Variants in CDH5 observed in about 807,000 individuals in gnomAD.
CDH5 encodes the protein cadherin 5, also known as cadherin-5.
Under a neutral mutation model 62.0 loss-of-function variants are expected in CDH5, and 28 were observed. The observed-to-expected ratio is 0.45, with a 90% CI of 0.33 to 0.62. CDH5 has a LOEUF of 0.62. Ranked by LOEUF, CDH5 falls within the 20% of genes least tolerant of loss-of-function variation. The pLI is 0.02. For synonymous variants in CDH5, 464 were observed against 445.8 expected (o/e 1.04, Z -0.52); for missense variants, 940 against 1,065.1 (o/e 0.88, Z 1.63).
At chr16:66,375,124 G>A (rs1199275972) in intron 1 of CDH5, among the ~76,000 whole-genome samples, 1 of 152,162 alleles carries the variant, frequency 6.6e-6, no homozygotes, top group African/African-American at 2.4e-5. Flanking sequence ...ACAGTCTATT[G>A]CTCTTAGGCT....
At chr16:66,397,936 C>T in intron 8 of CDH5, 46 bp from the exon 9 acceptor site, 1 of 1,612,674 alleles carries the variant, frequency 6.2e-7, no homozygotes, top group Non-Finnish European at 8.5e-7. Context: ...CCGCCCAAGG[C>T]CAGCATCAGC....
intron 1 of CDH5, chr16:66,376,207 C>T (rs1014398629): frequency 1.3e-5 from 2 of 152,194 alleles, no homozygotes; most frequent in African/African-American, 4.8e-5. Context: ...TACCATCACC[C>T]CAAACACACG....
At chr16:66,367,714 C>T (rs1960612704) in intron 1 of CDH5, among the ~76,000 whole-genome samples, 2 of 152,166 alleles carry the variant, frequency 1.3e-5, no homozygotes, top group South Asian at 4.1e-4. Context: ...TCAGTGAAAG[C>T]AACTGAGCTT....
intron 1 of CDH5, among the ~76,000 whole-genome samples, chr16:66,369,371 C>A (rs1437289370): frequency 2.0e-5 from 3 of 152,202 alleles, no homozygotes; most frequent in Non-Finnish European, 4.4e-5. Context: ...AAGACACCTG[C>A]ACCCTTACTG....
rs1218033051 is a variant in CDH5, at chr16:66,402,741, G to A, written c.1927G>A (p.Val643Ile). Residue 643 changes from valine to isoleucine, a missense_variant, in exon 12 of 12, where the codon GTC becomes ATC. By Grantham distance (29) the Val-to-Ile change is conservative. Transcript: ENST00000341529. The part of the protein sequence containing the change: ...KSVPEIHEQL[V>I]TYDEEGGGEM... ...CGTGCCGGAGATCCACGAGCAGCTGGTCACCTACGACGAGGAGGGCGGCGG... is the reference window on the plus strand; with the variant it reads ...CGTGCCGGAGATCCACGAGCAGCTGATCACCTACGACGAGGAGGGCGGCGG... 6.2e-7 allele frequency: 1 copy of A among 1,610,072 alleles called. No individual in the cohort carries two copies. The highest frequency in any genetic ancestry group is 8.5e-7 in the Non-Finnish European group (1 of 1,179,046).
chr16:66,399,554 G>T (rs1306958101), intron 10 of CDH5, among the ~76,000 whole-genome samples: 1 of 152,190 alleles, frequency 6.6e-6, no homozygotes, highest in Non-Finnish European at 1.5e-5. Flanking sequence ...GACTCCTGTG[G>T]GATGGAGAAG....
chr16:66,398,195 C>T, intron 9 of CDH5, 89 bp downstream of exon 9: 1 of 1,467,688 alleles, frequency 6.8e-7, no homozygotes. Flanking sequence ...GCAGGAGTTC[C>T]CCTGTACAAT....
intron 2 of CDH5, among the ~76,000 whole-genome samples, chr16:66,381,256 GA>G (rs1217970341): frequency 6.6e-6 from 1 of 152,148 alleles, no homozygotes; most frequent in Non-Finnish European, 1.5e-5. Context: ...CACCTGTAAT[GA>G]GGTACCTGAC....
intron 1 of CDH5, among the ~76,000 whole-genome samples, chr16:66,367,705 C>T (rs893817590): frequency 3.3e-5 from 5 of 152,184 alleles, no homozygotes; most frequent in African/African-American, 1.2e-4. Context: ...CTTTATATCT[C>T]AGTGAAAGCA....
At chr16:66,391,378 A>G (rs1961081278) in intron 6 of CDH5, among the ~76,000 whole-genome samples, 1 of 152,104 alleles carries the variant, frequency 6.6e-6, no homozygotes, top group African/African-American at 2.4e-5. Context: ...GGGGTTTCTG[A>G]GAGAGCATCT....
chr16:66,381,231 C>G (rs569698052), intron 2 of CDH5, among the ~76,000 whole-genome samples: 2 of 152,320 alleles, frequency 1.3e-5, no homozygotes, highest in East Asian at 3.9e-4. Context: ...CCACACAGCT[C>G]CCCATATTCC....
In CDH5 at chr16:66,390,520, G is replaced by A; in HGVS notation, c.899G>A (p.Gly300Asp). The A allele has an allele frequency of 1.2e-6, 2 of 1,614,128 alleles. No individual in the cohort carries two copies. Among genetic ancestry groups the A allele is most frequent in the Non-Finnish European group, 8.5e-7 (1 of 1,180,022 alleles). ...NRMTKYSILR[G>D]DYQDAFTIET... ...ATGACCAAGTACAGCATCTTGCGGGGCGACTACCAGGACGCTTTCACCATT... is the reference window on the plus strand; with the variant it reads ...ATGACCAAGTACAGCATCTTGCGGGACGACTACCAGGACGCTTTCACCATT... The change falls in exon 6 of 12, where the codon GGC (glycine) becomes GAC (aspartate). Residue 300 changes from glycine to aspartate, a missense_variant. Gly to Asp is a moderately conservative substitution (Grantham distance 94, BLOSUM62 -1). Transcript: ENST00000341529.
At chr16:66,385,835 T>C (rs557457769) in intron 2 of CDH5, among the ~76,000 whole-genome samples, 1 of 152,384 alleles carries the variant, frequency 6.6e-6, no homozygotes, top group Admixed American at 6.5e-5. Context: ...ATAATTTAAT[T>C]TGTAATAGTG....
chr16:66,380,344 G>A (rs1198543962), intron 2 of CDH5, among the ~76,000 whole-genome samples: 63 of 144,282 alleles, frequency 4.4e-4, no homozygotes, highest in Non-Finnish European at 1.8e-4. Context: ...TGATTGTGAT[G>A]GTGGGTGATG....
chr16:66,374,191 G>T (rs931041335), intron 1 of CDH5, among the ~76,000 whole-genome samples: 2 of 152,176 alleles, frequency 1.3e-5, no homozygotes, highest in African/African-American at 4.8e-5. Context: ...GTGCCTCGGG[G>T]GAGTGCTCAG....
chr16:66,399,201 G>A (rs562039902), intron 10 of CDH5, among the ~76,000 whole-genome samples: 1 of 152,336 alleles, frequency 6.6e-6, no homozygotes, highest in South Asian at 2.1e-4. Flanking sequence ...TTAGCAGGGT[G>A]GCCCGTGTGA....
intron 1 of CDH5, chr16:66,377,526 CA>C (rs1462262199): frequency 6.6e-6 from 1 of 152,282 alleles, no homozygotes; most frequent in African/African-American, 2.4e-5. Flanking sequence ...CTGGCGCCAG[CA>C]AATCAGGGGA....
At chr16:66,381,739 C>G (rs1005736415) in intron 2 of CDH5, among the ~76,000 whole-genome samples, 1 of 152,166 alleles carries the variant, frequency 6.6e-6, no homozygotes, top group Non-Finnish European at 1.5e-5. Context: ...CTACCCCCTG[C>G]GGGCCCAATC....
intron 2 of CDH5, among the ~76,000 whole-genome samples, chr16:66,380,551 A>G (rs1001841998): frequency 4.0e-5 from 6 of 150,532 alleles, no homozygotes; most frequent in African/African-American, 1.5e-4. Context: ...GATCATGGTG[A>G]TGGTGGTCAT....
Sources: gnomAD v4.1 joint callset for allele counts (sites outside exome capture counted in the v4.1 genomes callset) on GRCh38, gnomAD v4.1.1 for gene constraint, MANE v1.5 for transcripts, NCBI Gene and HGNC (gene_info 2026-07-23, HGNC 2026-07-21) for gene names.